Variants in KIF27 observed in about 807,000 individuals in gnomAD.
KIF27 encodes the protein kinesin family member 27.
In KIF27, 84 loss-of-function variants were observed where a neutral mutation model predicts 141.8. The ratio of observed to expected loss-of-function variants is 0.59; its 90% CI spans 0.50 to 0.71. The LOEUF (loss-of-function observed/expected upper bound fraction) is 0.71. Among genes scored for constraint, KIF27 ranks in the 30% least tolerant of loss-of-function variants. The probability of loss-of-function intolerance (pLI) is 0.00; values close to 1 mark genes in which losing one functional copy is unlikely to be tolerated. For missense variants in KIF27, 1,306 were observed against 1,628.4 expected (o/e 0.80, Z 3.41); for synonymous variants, 471 against 569.5 (o/e 0.83, Z 2.46).
intron 16 of KIF27, among the ~76,000 whole-genome samples, chr9:83,844,481 T>G (rs1947003729): frequency 6.6e-6 from 1 of 152,058 alleles, no homozygotes; most frequent in African/African-American, 2.4e-5. Flanking sequence ...TTGTTGGTTT[T>G]GGGGTTTCTG....
rs182908304 is a variant in KIF27 at position 83,841,666 on chromosome 9, C to T, written c.3721+571G>A. Among the ~76,000 whole-genome samples the T allele has an allele frequency of 1.7e-3, 254 of 152,220 alleles. 1 individual carries two copies. Among genetic ancestry groups the T allele is most frequent in the African/African-American group, 5.7e-3 (236 of 41,522 alleles). The stretch of plus-strand genomic sequence containing the variant: ...TATCTTAAAGAGGGTATATTTTAAT[C>T]ATAGGAATATATTACCTTCATAGTA... On this transcript the variant is annotated intron_variant, in intron 17 of 17. Coordinates refer to ENST00000297814, the MANE Select transcript of KIF27 (RefSeq NM_017576.4).
At chr9:83,867,375 G>T (rs867658752) in intron 13 of KIF27, among the ~76,000 whole-genome samples, 4 of 147,928 alleles carry the variant, frequency 2.7e-5, no homozygotes, top group East Asian at 2.0e-4. Context: ...TACAGAGATA[G>T]ATCTATCTAT....
chr9:83,875,463 A>T (rs1951139088), intron 11 of KIF27, among the ~76,000 whole-genome samples: 2 of 152,198 alleles, frequency 1.3e-5, no homozygotes, highest in Non-Finnish European at 2.9e-5. Context: ...AAGAGGTTGG[A>T]GCTCAAAGAA....
chr9:83,859,447 T>G lies in KIF27; in HGVS notation c.2935-76A>C, dbSNP rs910082962. 2.4e-5 allele frequency: 23 copies of G among 948,558 alleles called. No homozygotes were observed. In the Admixed American group the frequency reaches 3.4e-4, roughly 14 times the overall value. The allele number at this position is 948,558 out of a possible 1,614,324, so 58.8% of individuals were successfully genotyped here. The stretch of plus-strand genomic sequence containing the variant: ...GACTGCATAAAAATTAGGAAAAACA[T>G]AGAGAAAATTGCTAAATGAATATAT... On this transcript the variant is annotated intron_variant, in intron 13 of 17. Coordinates refer to ENST00000297814, the MANE Select transcript of KIF27 (RefSeq NM_017576.4).
intron 3 of KIF27, among the ~76,000 whole-genome samples, chr9:83,906,780 A>G (rs2132643473): frequency 6.6e-6 from 1 of 151,256 alleles, no homozygotes; most frequent in South Asian, 2.1e-4. Flanking sequence ...AGTCACTGCA[A>G]TATTATTAAT....
intron 11 of KIF27, among the ~76,000 whole-genome samples, chr9:83,873,108 A>G (rs1486052431): frequency 6.6e-6 from 1 of 152,228 alleles, no homozygotes; most frequent in Non-Finnish European, 1.5e-5. Context: ...GTAGGGGCTT[A>G]TAATGCTAGT....
chr9:83,892,032 G>A (rs1422570531), intron 5 of KIF27, among the ~76,000 whole-genome samples: 1 of 152,122 alleles, frequency 6.6e-6, no homozygotes, highest in African/African-American at 2.4e-5. Flanking sequence ...GGAAATCAAA[G>A]GCAGAACAAA....
chr9:83,867,780 T>A lies in KIF27; in HGVS notation c.2838A>T (p.Glu946Asp). 6.2e-7 allele frequency: 1 copy of A among 1,613,750 alleles called. No individual in the cohort carries two copies. Among genetic ancestry groups the A allele is most frequent in the East Asian group, 2.2e-5 (1 of 44,860 alleles). The part of the protein sequence containing the change: ...LNQRQELEEL[E>D]ADLKKREAIV... Reference sequence around the variant, plus strand: ...TGGCCTCCCGTTTCTTTAAGTCTGCTTCCAGCTCCTCTAATTCTTGGCGTT... The same window carrying A: ...TGGCCTCCCGTTTCTTTAAGTCTGCATCCAGCTCCTCTAATTCTTGGCGTT... Residue 946 changes from glutamate (E) to aspartate (D), a missense_variant, in exon 13 of 18, where the codon GAA (glutamate) becomes GAT (aspartate). Transcript: ENST00000297814.
chr9:83,889,240 G>A lies in KIF27; in HGVS notation c.1823C>T (p.Pro608Leu), dbSNP rs150984973. The A allele has an allele frequency of 8.6e-5, 138 of 1,595,624 alleles. No individual in the cohort carries two copies. The South Asian group carries it at 9.6e-4, about 11-fold the overall frequency. ...TATTCGATCCAGAGAGTACATAGGC[G>A]GACTTGTGTGGACCTTGCAAGTGAT... ...RQDSRKVHTSPPMYSLDRIFA... is the reference protein window; with the variant it reads ...RQDSRKVHTSLPMYSLDRIFA... Residue 608 changes from proline to leucine, a missense_variant, in exon 7 of 18, where the codon CCG (proline) becomes CTG (leucine). Coordinates refer to ENST00000297814, the MANE Select transcript of KIF27 (RefSeq NM_017576.4).
intron 9 of KIF27, among the ~76,000 whole-genome samples, chr9:83,886,788 C>T (rs1279485687): frequency 3.9e-5 from 6 of 152,212 alleles, no homozygotes; most frequent in Non-Finnish European, 8.8e-5. Flanking sequence ...GTAACTGGTA[C>T]ATTAAGTGCC....
intron 1 of KIF27, among the ~76,000 whole-genome samples, chr9:83,916,640 GTA>G (rs1173961365): frequency 6.6e-6 from 1 of 150,768 alleles, no homozygotes; most frequent in African/African-American, 2.4e-5. Context: ...CAAATAATTG[GTA>G]ACTACATTTA....
intron 11 of KIF27, among the ~76,000 whole-genome samples, chr9:83,871,088 T>TA (rs1564344179): frequency 1.3e-5 from 2 of 151,742 alleles, no homozygotes; most frequent in African/African-American, 4.8e-5. Flanking sequence ...TTTTTTTTTT[T>TA]AATTTTTTGT....
At chr9:83,896,157 C>A (rs1953225339) in intron 5 of KIF27, among the ~76,000 whole-genome samples, 1 of 151,526 alleles carries the variant, frequency 6.6e-6, no homozygotes, top group Non-Finnish European at 1.5e-5. Flanking sequence ...GCAGGAGAAT[C>A]GCTTGAGCCC....
At chr9:83,859,645 C>CAGG (rs1949664502) in intron 13 of KIF27, 2 of 339,122 alleles carry the variant, frequency 5.9e-6, no homozygotes, top group South Asian at 7.2e-5. Context: ...GATTCTCCTG[C>CAGG]TTCAGCCTCC....
At chr9:83,865,386 C>T (rs1950273450) in intron 13 of KIF27, among the ~76,000 whole-genome samples, 1 of 152,108 alleles carries the variant, frequency 6.6e-6, no homozygotes, top group East Asian at 1.9e-4. Context: ...CAACCTCTGC[C>T]TCTCAGGTTC....
rs1232467396 is a variant in KIF27 at position 83,903,184 on chromosome 9, A to G, written c.1334T>C (p.Met445Thr). Residue 445 changes from methionine to threonine, a missense_variant, in exon 4 of 18, where the codon ATG (methionine) becomes ACG (threonine). This residue lies in a region of KIF27 where 533 missense variants were observed against 565.6 expected (regional missense o/e 0.94). Transcript: ENST00000297814. ...QQHKLQEWFNMIQEVRKAVLT... is the reference protein window; with the variant it reads ...QQHKLQEWFNTIQEVRKAVLT... ...GACAGCCTTCCTGACCTCTTGGATC[A>G]TGTTAAACCACTCCTGCAGTTTGTG... 3 of 1,614,022 alleles carry G rather than the reference A, an allele frequency of 1.9e-6. No homozygotes were observed. In the Admixed American group the frequency reaches 5.0e-5, roughly 27 times the overall value.
chr9:83,863,388 G>T (rs1312088176), intron 13 of KIF27, among the ~76,000 whole-genome samples: 2 of 152,084 alleles, frequency 1.3e-5, no homozygotes, highest in African/African-American at 4.8e-5. Flanking sequence ...ACCATGAAGG[G>T]CTGTTGAATT....
chr9:83,920,093 T>C (rs1208214179), intron 1 of KIF27, among the ~76,000 whole-genome samples: 1 of 152,144 alleles, frequency 6.6e-6, no homozygotes, highest in Non-Finnish European at 1.5e-5. Context: ...TGTGCCAGGC[T>C]GTGGTGACGC....
intron 2 of KIF27, among the ~76,000 whole-genome samples, chr9:83,912,555 C>T (rs1326071287): frequency 6.6e-6 from 1 of 152,116 alleles, no homozygotes; most frequent in African/African-American, 2.4e-5. Context: ...AGTTATTCCC[C>T]ACATCTATAG....
Sources: allele counts gnomAD v4.1 joint callset (sites outside exome capture counted in the v4.1 genomes callset), GRCh38; gene constraint gnomAD v4.1.1; regional missense constraint gnomAD v4.1.1; transcripts MANE v1.5; gene names NCBI Gene and HGNC (gene_info 2026-07-23, HGNC 2026-07-21).